The following ACE variants were observed in gnomAD, a reference collection of about 807,000 sequenced individuals.
The protein encoded by ACE is angiotensin I converting enzyme.
In ACE, 122 loss-of-function variants were observed where a neutral mutation model predicts 162.3. The ratio of observed to expected loss-of-function variants is 0.75; its 90% CI spans 0.65 to 0.87. The LOEUF (loss-of-function observed/expected upper bound fraction) is 0.87. Ranked by LOEUF, ACE falls within the 40% of genes least tolerant of loss-of-function variation. ACE has a pLI of 0.00. For missense variants in ACE, 1,799 were observed against 1,735.1 expected (o/e 1.04, Z -0.65); for synonymous variants, 796 against 720.6 (o/e 1.10, Z -1.68).
At chr17:63,482,979 C>CTCT in intron 8 of ACE, 50 bp from the exon 9 acceptor site, 2 of 1,591,062 alleles carry the variant, frequency 1.3e-6, no homozygotes, top group Non-Finnish European at 1.7e-6. Flanking sequence ...TTAGGGGACC[C>CTCT]TCTTCTCCCT....
chr17:63,494,577 C>A, intron 22 of ACE, 107 bp downstream of exon 22: 3 of 1,045,746 alleles, frequency 2.9e-6, no homozygotes, highest in Non-Finnish European at 4.3e-6. Flanking sequence ...AGGGCAGACC[C>A]GGGGGAGCCG....
chr17:63,481,218 G>T, intron 6 of ACE, 30 bp downstream of exon 6: 1 of 1,543,966 alleles, frequency 6.5e-7, no homozygotes, highest in Non-Finnish European at 8.9e-7. Context: ...CTGGGGTGGT[G>T]GGGGTCGGGG....
chr17:63,491,155 C>T lies in ACE; in HGVS notation c.2740-54C>T, dbSNP rs1043534412. The T allele has an allele frequency of 6.2e-7, 1 of 1,611,366 alleles. No homozygotes were observed. The highest frequency in any genetic ancestry group is 8.5e-7 in the Non-Finnish European group (1 of 1,178,540). On this transcript the variant is annotated intron_variant, in intron 18 of 24. Coordinates refer to ENST00000290866, the MANE Select transcript of ACE (RefSeq NM_000789.4). This position sits in a 1 kb window ranked among gnomAD's most constrained non-coding sequence, Gnocchi z 4.4. ...CCCTCCCCCGGGATCCCCACGGCAG[C>T]ACGCAGTCTGTCCCCGGAACCCCCA...
chr17:63,490,472 G>T, intron 17 of ACE: 1 of 218,962 alleles, frequency 4.6e-6, no homozygotes, highest in South Asian at 7.4e-5. Context: ...CCACTTAGGA[G>T]CCGTGGGCCC....
chr17:63,480,642 T>C, intron 5 of ACE, 114 bp downstream of exon 5: 2 of 1,150,618 alleles, frequency 1.7e-6, no homozygotes, highest in African/African-American at 1.5e-5. Context: ...ATCTCACATG[T>C]GTGGGGCATC....
chr17:63,486,959 G>C, intron 14 of ACE, 27 bp from the exon 15 acceptor site: 1 of 1,590,362 alleles, frequency 6.3e-7, no homozygotes, highest in Non-Finnish European at 8.6e-7. Context: ...AAGGAGTACA[G>C]CTCATTGCCT....
At chr17:63,483,828 A>C (rs755996202) in intron 10 of ACE, 21 bp from the exon 11 acceptor site, 1 of 1,613,216 alleles carries the variant, frequency 6.2e-7, no homozygotes, top group South Asian at 1.1e-5. Context: ...ATCTTCCCTG[A>C]CTCCCACCCT....
intron 14 of ACE, 71 bp downstream of exon 14, chr17:63,486,786 C>A: frequency 1.3e-6 from 2 of 1,587,544 alleles, no homozygotes; most frequent in Non-Finnish European, 1.7e-6. Flanking sequence ...TCTGGCCTGG[C>A]CTTCACGCTG....
chr17:63,494,847 C>T (rs1002774565), intron 22 of ACE, among the ~76,000 whole-genome samples: 12 of 152,086 alleles, frequency 7.9e-5, no homozygotes, highest in Non-Finnish European at 1.0e-4. Context: ...ACATTGTCTG[C>T]GATACAATTT....
intron 19 of ACE, among the ~76,000 whole-genome samples, chr17:63,492,842 C>T (rs967433315): frequency 6.6e-6 from 1 of 152,088 alleles, no homozygotes; most frequent in African/African-American, 2.4e-5. Flanking sequence ...GGCAACATAG[C>T]GAGACCCCAT....
intron 7 of ACE, among the ~76,000 whole-genome samples, chr17:63,482,132 A>C (rs866901973): frequency 2.0e-5 from 3 of 152,052 alleles, no homozygotes; most frequent in Admixed American, 6.5e-5. Flanking sequence ...CCCCGTCTCT[A>C]CTAAAAATAC....
intron 3 of ACE, 130 bp downstream of exon 3, chr17:63,479,230 TG>T (rs2049668314): frequency 1.3e-6 from 1 of 792,810 alleles, no homozygotes; most frequent in Admixed American, 2.0e-5. Flanking sequence ...GCCCTCCAAC[TG>T]GGGCTGGACG....
At chr17:63,485,154 A>T (rs2029869806) in intron 12 of ACE, 82 bp from the exon 13 acceptor site, 1 of 1,603,630 alleles carries the variant, frequency 6.2e-7, no homozygotes, top group Non-Finnish European at 8.5e-7. Flanking sequence ...GGAGTGCGAG[A>T]GGGATAATGG....
Position 63,484,574 on chromosome 17 carries a change from A to T in ACE, c.1921+33A>T, listed in dbSNP as rs2029863417. On this transcript the variant is annotated intron_variant, in intron 12 of 24. Transcript: ENST00000290866. This position sits in a 1 kb window ranked among gnomAD's most constrained non-coding sequence, Gnocchi z 4.0. The stretch of plus-strand genomic sequence containing the variant: ...CCTGAGTGAGGATGGTGTGGGGCTA[A>T]GGTGGGTCCTCAACTCTGGGCTTGG... 6.3e-7 allele frequency: 1 copy of T among 1,590,968 alleles called. No individual in the cohort carries two copies.
intron 14 of ACE, 61 bp downstream of exon 14, chr17:63,486,776 T>TCTGGC: frequency 8.7e-6 from 14 of 1,606,992 alleles, no homozygotes; most frequent in African/African-American, 1.3e-5. Context: ...CAACACAGGG[T>TCTGGC]CTGGCCTGGC....
At chr17:63,478,336 C>G (rs1302285636) in intron 2 of ACE, 1 of 579,166 alleles carries the variant, frequency 1.7e-6, no homozygotes, top group African/African-American at 1.9e-5. Flanking sequence ...AATTCAAATA[C>G]ACTTCTCCCT....
In ACE at chr17:63,484,405, T is replaced by C. The variant is rs1488115483; in HGVS notation, c.1785T>C (p.Asp595=). 6.2e-7 allele frequency: 1 copy of C among 1,612,048 alleles called. No individual in the cohort carries two copies. Among genetic ancestry groups the C allele is most frequent in the African/African-American group, 1.3e-5 (1 of 74,922 alleles). The part of the protein sequence containing the change: ...LKDMVGLDAL[D]AQPLLKYFQP... The stretch of plus-strand genomic sequence containing the variant: ...ACATGGTCGGCTTAGATGCCCTGGA[T>C]GCCCAGCCGCTGCTCAAGTACTTCC... The change falls in exon 12 of 25, where the codon GAT becomes GAC. Residue 595 remains aspartate (D), a synonymous_variant. Coordinates refer to ENST00000290866, the MANE Select transcript of ACE (RefSeq NM_000789.4). This position sits in a 1 kb window ranked among gnomAD's most constrained non-coding sequence, Gnocchi z 4.0.
rs141750591 is a variant in ACE at position 63,493,455 on chromosome 17, G to A, written c.2932G>A (p.Val978Met). 818 of 1,613,950 alleles carry A rather than the reference G, an allele frequency of 5.1e-4. 2 individuals are homozygous for A. The highest frequency in any genetic ancestry group is 6.6e-4 in the Non-Finnish European group (782 of 1,180,022). Reference protein sequence around the residue: ...KDFRIKQCTTVNLEDLVVAHH... With the variant: ...KDFRIKQCTTMNLEDLVVAHH... ...TCCTAGGATCAAGCAGTGCACCACCGTGAACTTGGAGGACCTGGTGGTGGC... is the reference window on the plus strand; with the variant it reads ...TCCTAGGATCAAGCAGTGCACCACCATGAACTTGGAGGACCTGGTGGTGGC... Residue 978 changes from valine (V) to methionine (M), a missense_variant, in exon 20 of 25, where the codon GTG becomes ATG. Val to Met is a conservative substitution (Grantham distance 21). Transcript: ENST00000290866.
chr17:63,496,641 G>A, intron 23 of ACE, 125 bp downstream of exon 23: 1 of 1,585,742 alleles, frequency 6.3e-7, no homozygotes, highest in Middle Eastern at 2.1e-4. Flanking sequence ...CCCACCTGCA[G>A]CGTGGGCCAG....
Sources: allele counts gnomAD v4.1 joint callset (sites outside exome capture counted in the v4.1 genomes callset), GRCh38; gene constraint gnomAD v4.1.1; non-coding constraint Gnocchi (gnomAD v3.1); transcripts MANE v1.5; gene names NCBI Gene and HGNC (gene_info 2026-07-23, HGNC 2026-07-21).